The following FANCD2 variants were observed in gnomAD, a reference collection of about 807,000 sequenced individuals.
The protein encoded by FANCD2 is FA complementation group D2.
FANCD2 carries 131 observed loss-of-function variants against 192.3 expected under a neutral mutation model. That is an observed-to-expected ratio of 0.68 (90% confidence interval 0.59 to 0.79). The LOEUF (loss-of-function observed/expected upper bound fraction) is 0.79. Among genes scored for constraint, FANCD2 ranks in the 30% least tolerant of loss-of-function variants. The pLI, the probability that FANCD2 is intolerant of heterozygous loss-of-function variation, is 0.00. For missense variants in FANCD2, 1,508 were observed against 1,701.6 expected (o/e 0.89, Z 2.00); for synonymous variants, 524 against 612.5 (o/e 0.86, Z 2.13).
chr3:10,067,299 C>T lies in FANCD2; in HGVS notation c.2476C>T (p.Leu826=). The T allele has an allele frequency of 6.2e-7, 1 of 1,610,808 alleles. No individual in the cohort carries two copies. Among genetic ancestry groups the T allele is most frequent in the Non-Finnish European group, 8.5e-7 (1 of 1,177,232 alleles). ...LKHIVELQII[L]EKYLAVTPDY... is the part of the protein sequence containing the mutation. ...GCACATTGTAGAATTGCAAATAATC[C>T]TGGAAAAGTACTTGGCAGGTAAGAG... is the stretch of plus-strand genomic sequence containing the variant. Residue 826 remains leucine, a synonymous_variant, in exon 26 of 44, where the codon CTG becomes TTG. Transcript: ENST00000675286.
chr3:10,065,354 C>T (rs1443634111), intron 23 of FANCD2, 40 bp from the exon 24 acceptor site: 2 of 1,291,740 alleles, frequency 1.5e-6, no homozygotes, highest in East Asian at 2.3e-5. Flanking sequence ...GAGTAATACA[C>T]CTATGAAGTG....
chr3:10,085,098 A>G (rs1008089045), intron 32 of FANCD2, among the ~76,000 whole-genome samples: 3 of 152,222 alleles, frequency 2.0e-5, no homozygotes, highest in African/African-American at 7.2e-5. Flanking sequence ...AAGTACCACT[A>G]TGGGCTGGAC....
chr3:10,032,884 T>A lies in FANCD2; in HGVS notation c.117T>A (p.Asn39Lys). The A allele has an allele frequency of 1.2e-6, 2 of 1,611,648 alleles. No homozygotes were observed. The highest frequency in any genetic ancestry group is 1.7e-6 in the Non-Finnish European group (2 of 1,177,950). ...AGACAAAGAAATCTCATATTGCTAA[T>A]GAAGTTGAAGAAAATGACAGCATCT... ...SKKTKKSHIA[N>K]EVEENDSIFV... Residue 39 changes from asparagine (N) to lysine (K), a missense_variant, in exon 3 of 44, where the codon AAT (asparagine) becomes AAA (lysine). By Grantham distance (94) the Asn-to-Lys change is moderately conservative (BLOSUM62 0). This residue lies in a region of FANCD2 where 435 missense variants were observed against 421.9 expected (regional missense o/e 1.03). Coordinates refer to ENST00000675286, the MANE Select transcript of FANCD2 (RefSeq NM_001018115.3).
intron 36 of FANCD2, 152 bp from the exon 37 acceptor site, chr3:10,090,140 T>A: frequency 1.5e-6 from 1 of 652,884 alleles, no homozygotes; most frequent in Middle Eastern, 4.1e-4. Context: ...TATTACTGAG[T>A]CCTTTCCGCT....
At position 10,034,459 on chromosome 3, in the gene FANCD2, T is replaced by G; in HGVS notation, c.206-10T>G. 1 of 1,609,100 alleles carries G rather than the reference T, an allele frequency of 6.2e-7. No homozygotes were observed. Among genetic ancestry groups the G allele is most frequent in the Non-Finnish European group, 8.5e-7 (1 of 1,175,468 alleles). On this transcript the variant is annotated splice_polypyrimidine_tract_variant and intron_variant, in intron 3 of 43. Transcript: ENST00000675286. The stretch of plus-strand genomic sequence containing the variant: ...GAAACTGGTGACCAGCTCTTCTTTT[T>G]TCTGCATAGCTGTGGATCAAATAGC...
At chr3:10,081,901 A>G (rs542311562) in intron 32 of FANCD2, among the ~76,000 whole-genome samples, 1 of 152,330 alleles carries the variant, frequency 6.6e-6, no homozygotes, top group African/African-American at 2.4e-5. Flanking sequence ...CAACATGGAC[A>G]AAAGTAGAAC....
intron 7 of FANCD2, chr3:10,037,532 A>T (rs2086762051): frequency 6.6e-6 from 1 of 152,216 alleles, no homozygotes; most frequent in Admixed American, 6.5e-5. Context: ...TGTGAATGAA[A>T]ATGAAATAAT....
chr3:10,088,701 C>G, intron 35 of FANCD2, 127 bp from the exon 36 acceptor site: 3 of 1,164,834 alleles, frequency 2.6e-6, no homozygotes, highest in Non-Finnish European at 3.8e-6. Flanking sequence ...TCTTAAGATC[C>G]TCTGGTTCTG....
chr3:10,073,194 A>G, intron 27 of FANCD2, 59 bp from the exon 28 acceptor site: 1 of 1,387,400 alleles, frequency 7.2e-7, no homozygotes, highest in Admixed American at 1.7e-5. Flanking sequence ...GAGGGCAATG[A>G]TATTTGGCAA....
At chr3:10,066,298 G>C (rs2087717799) in intron 25 of FANCD2, among the ~76,000 whole-genome samples, 1 of 152,232 alleles carries the variant, frequency 6.6e-6, no homozygotes, top group East Asian at 1.9e-4. Context: ...TCAGTGAGTG[G>C]TGGTAGTTTC....
chr3:10,044,032 C>T (rs1422986130), intron 14 of FANCD2, among the ~76,000 whole-genome samples, 168 bp downstream of exon 14: 2 of 152,128 alleles, frequency 1.3e-5, no homozygotes, highest in East Asian at 1.9e-4. Context: ...TCTGAGGTGG[C>T]GACTGGCCAG....
intron 29 of FANCD2, 36 bp downstream of exon 29, chr3:10,074,709 C>T: frequency 6.2e-7 from 1 of 1,606,804 alleles, no homozygotes; most frequent in Non-Finnish European, 8.5e-7. Flanking sequence ...ATTTAATCTT[C>T]TTTCAGAAAG....
Position 10,072,998 on chromosome 3 carries a change from C to T in FANCD2, c.2605+17C>T. ...GAAAAATAGGTAAGTATGTTCTTTT[C>T]CTCTTGTCTTGTGTCTCTAAATAAG... On this transcript the variant is annotated intron_variant, in intron 27 of 43. Transcript: ENST00000675286. The T allele has an allele frequency of 7.2e-7, 1 of 1,393,132 alleles. No individual in the cohort carries two copies. The allele number at this position is 1,393,132 out of a possible 1,614,324, so 86.3% of individuals were successfully genotyped here.
At chr3:10,058,981 A>G (rs545809874) in intron 18 of FANCD2, among the ~76,000 whole-genome samples, 1 of 152,144 alleles carries the variant, frequency 6.6e-6, no homozygotes, top group South Asian at 2.1e-4. Context: ...CCATTTCCTT[A>G]TGTCTTTAAT....
rs183514621 is a variant in FANCD2 at position 10,027,978 on chromosome 3, C to T, written c.-33-647C>T. On this transcript the variant is annotated intron_variant, in intron 1 of 43. Coordinates refer to ENST00000675286, the MANE Select transcript of FANCD2 (RefSeq NM_001018115.3). Reference sequence around the variant, plus strand: ...CTGTAATCCCAGCACTTTGGGAGGCCGAGGTGGGTGGATCACTTGAGGTCA... The same window carrying T: ...CTGTAATCCCAGCACTTTGGGAGGCTGAGGTGGGTGGATCACTTGAGGTCA... Among the ~76,000 whole-genome samples, 183 of 150,828 alleles carry T rather than the reference C, an allele frequency of 1.2e-3. 5 individuals carry two copies. In the East Asian group the frequency reaches 0.032, roughly 27 times the overall value.
intron 43 of FANCD2, 38 bp downstream of exon 43, chr3:10,098,853 G>A (rs142378663): frequency 6.2e-7 from 1 of 1,614,192 alleles, no homozygotes; most frequent in East Asian, 2.2e-5. Context: ...GGCACTGATG[G>A]TTGCATTTTG....
intron 26 of FANCD2, among the ~76,000 whole-genome samples, chr3:10,067,568 C>T (rs952679137): frequency 3.3e-5 from 5 of 152,180 alleles, no homozygotes; most frequent in African/African-American, 7.2e-5. Context: ...GAAGCCAAGG[C>T]GGGTGGATCA....
intron 18 of FANCD2, among the ~76,000 whole-genome samples, 192 bp from the exon 19 acceptor site, chr3:10,060,102 G>C (rs1011626975): frequency 6.6e-6 from 1 of 151,616 alleles, no homozygotes; most frequent in African/African-American, 2.4e-5. Flanking sequence ...GGGAGGCAGA[G>C]GTTGCAGTGA....
At chr3:10,090,607 C>T (rs1268397206) in intron 37 of FANCD2, among the ~76,000 whole-genome samples, 2 of 151,866 alleles carry the variant, frequency 1.3e-5, no homozygotes, top group African/African-American at 2.4e-5. Context: ...TACAGGCATG[C>T]GCCACCACAC....
Sources: gnomAD v4.1 joint callset for allele counts (sites outside exome capture counted in the v4.1 genomes callset) on GRCh38, gnomAD v4.1.1 for gene constraint, gnomAD v4.1.1 regional missense constraint, MANE v1.5 for transcripts, NCBI Gene and HGNC (gene_info 2026-07-23, HGNC 2026-07-21) for gene names.